XPO4: variants seen among roughly 807,000 people sequenced by gnomAD.
XPO4 encodes the protein exportin-4.
In XPO4, 39 loss-of-function variants were observed where a neutral mutation model predicts 143.0. The ratio of observed to expected loss-of-function variants is 0.27; its 90% CI spans 0.21 to 0.36. The LOEUF (loss-of-function observed/expected upper bound fraction) is 0.36, where lower values mean the gene tolerates loss of function less well. XPO4 is among the 10% of genes least tolerant of loss of function. The pLI, the probability that XPO4 is intolerant of heterozygous loss-of-function variation, is 1.00. For missense variants in XPO4, 907 were observed against 1,348.0 expected, an observed-to-expected ratio of 0.67 and a Z score of 5.12; for synonymous variants, 439 against 474.0, an observed-to-expected ratio of 0.93 and a Z score of 0.96.
At chr13:20,855,541 A>G in intron 4 of XPO4, 86 bp downstream of exon 4, 1 of 1,224,514 alleles carries the variant, frequency 8.2e-7, no homozygotes, top group Non-Finnish European at 1.1e-6. Context: ...ATTTTTATGT[A>G]GATATCCATT....
intron 22 of XPO4, among the ~76,000 whole-genome samples, chr13:20,784,871 G>A (rs2059181208): frequency 6.6e-6 from 1 of 152,120 alleles, no homozygotes; most frequent in Non-Finnish European, 1.5e-5. Flanking sequence ...GAGCCCAAGA[G>A]GTTGAGGCTG....
chr13:20,841,879 C>G (rs2059978043), intron 6 of XPO4, among the ~76,000 whole-genome samples: 1 of 151,456 alleles, frequency 6.6e-6, no homozygotes, highest in African/African-American at 2.4e-5. Flanking sequence ...TGCTTATCAT[C>G]AGTCTTTTTC....
In XPO4 at chr13:20,832,851, G is replaced by C. The variant is rs1012249919; in HGVS notation, c.728-5672C>G. On this transcript the variant is annotated intron_variant, in intron 6 of 22. Transcript: ENST00000255305. ...TTGGCTTTACTGGAAATCCAATTTA[G>C]GTGAAAGCTTCTGTATCCCATTACT... 1.1e-4 allele frequency among the ~76,000 whole-genome samples: 16 copies of C among 152,058 alleles called. No individual in the cohort carries two copies. The East Asian group carries it at 2.9e-3, about 28-fold the overall frequency.
chr13:20,827,039 G>T (rs1329246422), intron 7 of XPO4, 28 bp downstream of exon 7: 3 of 1,484,358 alleles, frequency 2.0e-6, no homozygotes, highest in Admixed American at 1.7e-5. Flanking sequence ...TATGGCTCTT[G>T]CTACCAGAGA....
At chr13:20,875,554 C>T (rs2060342696) in intron 1 of XPO4, among the ~76,000 whole-genome samples, 1 of 152,168 alleles carries the variant, frequency 6.6e-6, no homozygotes, top group Non-Finnish European at 1.5e-5. Flanking sequence ...TTCCCTCCTC[C>T]ATAACTGCCT....
At chr13:20,867,734 C>CTTA (rs900151133) in intron 2 of XPO4, among the ~76,000 whole-genome samples, 1 of 127,570 alleles carries the variant, frequency 7.8e-6, no homozygotes, top group African/African-American at 2.5e-5. Flanking sequence ...ATAGATAAGC[C>CTTA]TTACTAAAAG....
At chr13:20,891,220 T>A (rs2060513183) in intron 1 of XPO4, among the ~76,000 whole-genome samples, 1 of 150,682 alleles carries the variant, frequency 6.6e-6, no homozygotes. Flanking sequence ...CTCCCTTACA[T>A]TAACCATGTT....
rs77287276 is a variant in XPO4, at chr13:20,812,905, A to G, written c.1174-2938T>C. On this transcript the variant is annotated intron_variant, in intron 9 of 22. Transcript: ENST00000255305. Reference sequence around the variant, plus strand: ...CAGAAAAAAAGTGAAAAAGCCATAAAAAAGAATAGATCTGTGTATTAGTTC... The same window carrying G: ...CAGAAAAAAAGTGAAAAAGCCATAAGAAAGAATAGATCTGTGTATTAGTTC... Among the ~76,000 whole-genome samples, 382 of 152,312 alleles carry G rather than the reference A, an allele frequency of 2.5e-3. 1 individual carries two copies. Among genetic ancestry groups the G allele is most frequent in the African/African-American group, 8.2e-3 (340 of 41,548 alleles).
chr13:20,892,884 AAAAAT>A (rs2060531800), intron 1 of XPO4, among the ~76,000 whole-genome samples: 1 of 128,318 alleles, frequency 7.8e-6, no homozygotes, highest in African/African-American at 2.5e-5. Context: ...CCAAAAAGTA[AAAAAT>A]AAAAAAAAAA....
intron 3 of XPO4, among the ~76,000 whole-genome samples, chr13:20,856,657 C>CT (rs2060147459): frequency 6.6e-6 from 1 of 152,152 alleles, no homozygotes; most frequent in South Asian, 2.1e-4. Context: ...ATTAGTCGTT[C>CT]TTTATTTCAC....
intron 9 of XPO4, among the ~76,000 whole-genome samples, chr13:20,820,823 C>A (rs2059710735): frequency 6.6e-6 from 1 of 152,170 alleles, no homozygotes; most frequent in South Asian, 2.1e-4. Context: ...AAAAAACTCA[C>A]ATACACGTTG....
At chr13:20,800,392 A>T in intron 14 of XPO4, 67 bp from the exon 15 acceptor site, 1 of 1,490,902 alleles carries the variant, frequency 6.7e-7, no homozygotes, top group African/African-American at 1.4e-5. Flanking sequence ...AAAAACAGAG[A>T]AAAATCGAAC....
At chr13:20,901,373 G>A (rs2060618977) in intron 1 of XPO4, among the ~76,000 whole-genome samples, 1 of 152,140 alleles carries the variant, frequency 6.6e-6, no homozygotes, top group Non-Finnish European at 1.5e-5. Context: ...GTTTTGGGTG[G>A]CATACTCCTT....
chr13:20,791,019 A>C (rs936412457), intron 18 of XPO4, among the ~76,000 whole-genome samples: 7 of 152,192 alleles, frequency 4.6e-5, no homozygotes, highest in African/African-American at 1.7e-4. Context: ...GAATGCGAGA[A>C]ATACAGAAAT....
intron 13 of XPO4, among the ~76,000 whole-genome samples, chr13:20,802,234 T>G (rs1454618790): frequency 6.6e-6 from 1 of 152,042 alleles, no homozygotes; most frequent in African/African-American, 2.4e-5. Context: ...ATTTAAAAAA[T>G]TTTTGTAAAG....
intron 6 of XPO4, among the ~76,000 whole-genome samples, chr13:20,834,902 G>A (rs2138028368): frequency 6.6e-6 from 1 of 152,262 alleles, no homozygotes; most frequent in East Asian, 1.9e-4. Context: ...CAAGGCTGCA[G>A]TGAGCCATGA....
chr13:20,842,350 A>G (rs1595120957), intron 6 of XPO4, among the ~76,000 whole-genome samples: 1 of 152,242 alleles, frequency 6.6e-6, no homozygotes, highest in African/African-American at 2.4e-5. Flanking sequence ...ATATGCATTG[A>G]TAATACAACC....
Position 20,799,243 on chromosome 13 carries a change from C to T in XPO4, c.2244G>A (p.Gln748=). The T allele has an allele frequency of 6.2e-7, 1 of 1,613,956 alleles. No homozygotes were observed. Among genetic ancestry groups the T allele is most frequent in the Non-Finnish European group, 8.5e-7 (1 of 1,179,890 alleles). The change falls in exon 16 of 23, where the codon CAG becomes CAA. Residue 748 remains glutamine (Q), a synonymous_variant. Coordinates refer to ENST00000255305, the MANE Select transcript of XPO4 (RefSeq NM_022459.5). ...PPLNFLSSPV[Q]RTLMKALVLG... Reference sequence around the variant, plus strand: ...AGACTAGAGCCTTCATCAATGTCCTCTGCACAGGACTTGACAAGAAATTAA... The same window carrying T: ...AGACTAGAGCCTTCATCAATGTCCTTTGCACAGGACTTGACAAGAAATTAA...
chr13:20,862,586 C>G (rs2060211746), intron 3 of XPO4, 131 bp downstream of exon 3: 1 of 1,167,288 alleles, frequency 8.6e-7, no homozygotes, highest in South Asian at 1.7e-5. Context: ...TCTCAGCCTC[C>G]CAAAGTGGAG....
Sources: allele counts gnomAD v4.1 joint callset (sites outside exome capture counted in the v4.1 genomes callset), GRCh38; gene constraint gnomAD v4.1.1; transcripts MANE v1.5; gene names NCBI Gene and HGNC (gene_info 2026-07-23, HGNC 2026-07-21).